The following UQCRH variants were observed in gnomAD, a reference collection of about 807,000 sequenced individuals.
UQCRH encodes the protein ubiquinol-cytochrome c reductase hinge protein.
In UQCRH, 14 loss-of-function variants were observed where a neutral mutation model predicts 16.3. The ratio of observed to expected loss-of-function variants is 0.86; its 90% CI spans 0.57 to 1.34. The LOEUF (loss-of-function observed/expected upper bound fraction) is 1.34, where lower values mean the gene tolerates loss of function less well. Among genes scored for constraint, UQCRH ranks in the 40% most tolerant of loss-of-function variants. The pLI is 0.00. For missense variants in UQCRH, 89 were observed against 111.9 expected, an observed-to-expected ratio of 0.80 and a Z score of 0.92; for synonymous variants, 41 against 41.9, an observed-to-expected ratio of 0.98 and a Z score of 0.08.
chr1:46,314,867 T>TG (rs1423723927), intron 3 of UQCRH, among the ~76,000 whole-genome samples: 1 of 152,006 alleles, frequency 6.6e-6, no homozygotes, highest in Non-Finnish European at 1.5e-5. Context: ...AGAAAGGAAA[T>TG]GGAGAGTTAC....
chr1:46,316,320 A>G (rs1201677538), intron 3 of UQCRH, among the ~76,000 whole-genome samples: 2 of 152,194 alleles, frequency 1.3e-5, no homozygotes, highest in Non-Finnish European at 2.9e-5. Flanking sequence ...GTGTGTGGAT[A>G]GGGGCTTGTT....
At chr1:46,305,680 G>A (rs1335200746) in intron 1 of UQCRH, among the ~76,000 whole-genome samples, 2 of 151,968 alleles carry the variant, frequency 1.3e-5, no homozygotes, top group Non-Finnish European at 2.9e-5. Flanking sequence ...CAACCCGAGA[G>A]GCGAAGCTTG....
intron 3 of UQCRH, among the ~76,000 whole-genome samples, chr1:46,313,983 G>A (rs375951930): frequency 6.6e-6 from 1 of 152,140 alleles, no homozygotes; most frequent in East Asian, 1.9e-4. Context: ...ATTCACAATA[G>A]CCAAAAGGTA....
At chr1:46,312,540 C>T (rs1363347385) in intron 3 of UQCRH, among the ~76,000 whole-genome samples, 1 of 151,828 alleles carries the variant, frequency 6.6e-6, no homozygotes, top group Non-Finnish European at 1.5e-5. Context: ...TGTGAGATAC[C>T]ATGCCTGGCC....
In UQCRH at chr1:46,316,776, A is replaced by C; in HGVS notation, c.*192A>C. 1.4e-6 allele frequency: 1 copy of C among 694,598 alleles called. No homozygotes were observed. The highest frequency in any genetic ancestry group is 2.2e-6 in the Non-Finnish European group (1 of 463,316). 43.0% of individuals were successfully genotyped at this position (694,598 alleles called of 1,614,324 possible). On this transcript the variant is annotated 3_prime_UTR_variant, in exon 4 of 4. Transcript: ENST00000311672. ...TAAATAAAAGTTCTATGATCTGCAA[A>C]CCTGCCCGTCTTTTTTTTTTAATTG...
chr1:46,309,807 T>C, intron 2 of UQCRH: 1 of 1,195,690 alleles, frequency 8.4e-7, no homozygotes, highest in African/African-American at 1.6e-5. Flanking sequence ...TTCAGACGTG[T>C]CATATTCCAA....
chr1:46,304,797 T>C (rs957604216), intron 1 of UQCRH, among the ~76,000 whole-genome samples: 35 of 152,214 alleles, frequency 2.3e-4, no homozygotes, highest in African/African-American at 8.2e-4. Context: ...TCTAAGGTCA[T>C]GCAGCTACCA....
intron 3 of UQCRH, among the ~76,000 whole-genome samples, chr1:46,315,632 AT>A (rs1661570632): frequency 1.3e-5 from 2 of 151,822 alleles, no homozygotes; most frequent in Non-Finnish European, 2.9e-5. Context: ...GAAAAAAAAA[AT>A]TACTGAAGTG....
intron 3 of UQCRH, among the ~76,000 whole-genome samples, chr1:46,315,474 A>G (rs1251666859): frequency 6.6e-6 from 1 of 151,720 alleles, no homozygotes; most frequent in African/African-American, 2.4e-5. Context: ...CACACTTGTA[A>G]TCCCAGCTAC....
intron 1 of UQCRH, among the ~76,000 whole-genome samples, 177 bp downstream of exon 1, chr1:46,303,997 A>G (rs1661311522): frequency 1.3e-5 from 2 of 152,160 alleles, no homozygotes; most frequent in Admixed American, 1.3e-4. Flanking sequence ...GGACAGATAG[A>G]TGACTAGTTT....
chr1:46,309,171 G>T (rs768918656), intron 2 of UQCRH, 44 bp downstream of exon 2: 3 of 1,593,526 alleles, frequency 1.9e-6, no homozygotes, highest in South Asian at 2.3e-5. Context: ...TAAAAGCAGG[G>T]TTTGAGCTTC....
chr1:46,307,351 T>C (rs908268260), intron 1 of UQCRH, among the ~76,000 whole-genome samples: 6 of 152,134 alleles, frequency 3.9e-5, no homozygotes, highest in African/African-American at 1.4e-4. Flanking sequence ...AGCCTGTTTT[T>C]AATTTTTTTA....
rs182853194 is a variant in UQCRH at position 46,307,002 on chromosome 1, C to T, written c.55-2099C>T. On this transcript the variant is annotated intron_variant, in intron 1 of 3. Transcript: ENST00000311672. ...CTGGGCTCAAGGGATCCTCCCACCT[C>T]GGCCTTCTGAGTAGCCATGACCACA... is the stretch of plus-strand genomic sequence containing the variant. Among the ~76,000 whole-genome samples the T allele has an allele frequency of 1.1e-3, 163 of 152,292 alleles. 2 individuals carry two copies. The South Asian group carries it at 0.017, about 16-fold the overall frequency.
At chr1:46,303,968 G>A in intron 1 of UQCRH, 148 bp downstream of exon 1, 1 of 997,588 alleles carries the variant, frequency 1.0e-6, no homozygotes, top group Non-Finnish European at 1.5e-6. Context: ...CCTTTCCCCA[G>A]AATTCGTCCG....
intron 1 of UQCRH, among the ~76,000 whole-genome samples, chr1:46,308,238 T>C (rs570299459): frequency 6.6e-6 from 1 of 152,270 alleles, no homozygotes; most frequent in South Asian, 2.1e-4. Context: ...AAGAAGAGTT[T>C]ATTATTACTT....
chr1:46,311,000 G>A (rs1203022845), intron 3 of UQCRH, among the ~76,000 whole-genome samples: 2 of 151,408 alleles, frequency 1.3e-5, no homozygotes, highest in Non-Finnish European at 2.9e-5. Flanking sequence ...CCGGGGAAGC[G>A]GAGCTTGCAG....
At chr1:46,315,421 GAA>G (rs1203782582) in intron 3 of UQCRH, among the ~76,000 whole-genome samples, 1 of 150,782 alleles carries the variant, frequency 6.6e-6, no homozygotes, top group African/African-American at 2.5e-5. Flanking sequence ...CAACAAGAGT[GAA>G]ACTCTGTCTC....
Position 46,303,800 on chromosome 1 carries a change from G to A in UQCRH, c.34G>A (p.Glu12Lys), listed in dbSNP as rs557199009. ...GGAGGACGAGCAAAAGATGCTTACC[G>A]AATCCGGAGATCCTGAGGAGGTAAG... is the stretch of plus-strand genomic sequence containing the variant. Reference protein sequence around the residue: ...GLEDEQKMLTESGDPEEEEEE... With the variant: ...GLEDEQKMLTKSGDPEEEEEE... Residue 12 changes from glutamate to lysine, a missense_variant, in exon 1 of 4, where the codon GAA (glutamate) becomes AAA (lysine). Physicochemically the swap from Glu to Lys is moderately conservative, Grantham distance 56 (BLOSUM62 1). Coordinates refer to ENST00000311672, the MANE Select transcript of UQCRH (RefSeq NM_006004.4). 1.4e-4 allele frequency: 224 copies of A among 1,614,160 alleles called. 3 individuals are homozygous for A. The South Asian group carries it at 2.3e-3, about 17-fold the overall frequency.
chr1:46,316,039 G>A (rs1485559100), intron 3 of UQCRH, among the ~76,000 whole-genome samples: 3 of 152,112 alleles, frequency 2.0e-5, no homozygotes, highest in Non-Finnish European at 4.4e-5. Context: ...ACCTTTCTCA[G>A]GGTAATATTA....
Sources: gnomAD v4.1 joint callset for allele counts (sites outside exome capture counted in the v4.1 genomes callset) on GRCh38, gnomAD v4.1.1 for gene constraint, MANE v1.5 for transcripts, NCBI Gene and HGNC (gene_info 2026-07-23, HGNC 2026-07-21) for gene names.